PRLR: variants seen among roughly 807,000 people sequenced by gnomAD.
PRLR encodes the protein hPRL receptor.
PRLR carries 13 observed loss-of-function variants against 40.2 expected under a neutral mutation model. The ratio of observed to expected loss-of-function variants is 0.32; its 90% CI spans 0.21 to 0.51. The LOEUF is 0.51. Among genes scored for constraint, PRLR ranks in the 20% least tolerant of loss-of-function variants. PRLR has a pLI of 0.97. For missense variants in PRLR, 656 were observed against 747.3 expected (o/e 0.88, Z 1.42); for synonymous variants, 269 against 278.7 (o/e 0.97, Z 0.35).
At chr5:35,101,627 C>G (rs1037966167) in intron 2 of PRLR, among the ~76,000 whole-genome samples, 37 of 151,996 alleles carry the variant, frequency 2.4e-4, no homozygotes, top group African/African-American at 8.7e-4. Context: ...ACAATTAAAA[C>G]ATATTTTTCT....
intron 2 of PRLR, among the ~76,000 whole-genome samples, chr5:35,109,683 G>A (rs186505920): frequency 1.6e-3 from 247 of 152,248 alleles, no homozygotes; most frequent in East Asian, 5.4e-3. Flanking sequence ...TCTCACACCC[G>A]TTAGAATGGC....
chr5:35,199,272 T>C (rs927786610), intron 1 of PRLR, among the ~76,000 whole-genome samples: 1 of 152,190 alleles, frequency 6.6e-6, no homozygotes, highest in Non-Finnish European at 1.5e-5. Context: ...TTTCTCCCCC[T>C]GAGCCAGGCC....
chr5:35,078,711 G>T lies in PRLR; in HGVS notation c.373+5759C>A, dbSNP rs1770284339. On this transcript the variant is annotated intron_variant, in intron 5 of 9. Transcript: ENST00000618457. ...GAATCCTCCCTAACTCATTTCGTGA[G>T]GCCAGCATCATCCTGATACCAAAGC... is the stretch of plus-strand genomic sequence containing the variant. Among the ~76,000 whole-genome samples the T allele has an allele frequency of 2.6e-5, 4 of 152,158 alleles. No individual in the cohort carries two copies. In the South Asian group the frequency reaches 8.3e-4, roughly 31 times the overall value.
intron 1 of PRLR, among the ~76,000 whole-genome samples, chr5:35,212,816 G>C (rs923089444): frequency 2.0e-5 from 3 of 152,172 alleles, no homozygotes; most frequent in African/African-American, 7.2e-5. Flanking sequence ...TCTAAATTTT[G>C]AGGCATCATA....
Position 35,057,601 on chromosome 5 carries a change from A to G in PRLR, c.*7488T>C, listed in dbSNP as rs1768795553. ...GTTATCTCCAATACTATTGACAAAG[A>G]TTTAACTACCCATGTTGTCCCCTCA... On this transcript the variant is annotated 3_prime_UTR_variant, in exon 10 of 10. Transcript: ENST00000618457. 4 of 152,180 alleles carry G rather than the reference A, an allele frequency of 2.6e-5. No individual in the cohort carries two copies. The highest frequency in any genetic ancestry group is 2.6e-4 in the Admixed American group (4 of 15,266). The allele number at this position is 152,180 out of a possible 1,614,324, so 9.4% of individuals were successfully genotyped here.
chr5:35,109,342 G>A (rs1380616534), intron 2 of PRLR, among the ~76,000 whole-genome samples: 2 of 152,064 alleles, frequency 1.3e-5, no homozygotes, highest in Non-Finnish European at 2.9e-5. Flanking sequence ...AAAAGCAACG[G>A]CAACAAAAGC....
downstream of PRLR, among the ~76,000 whole-genome samples, chr5:35,055,166 T>G (rs1768650963): frequency 6.6e-6 from 1 of 152,180 alleles, no homozygotes; most frequent in African/African-American, 2.4e-5. Context: ...ATAATTCCAG[T>G]CAGGAAAACA....
At chr5:35,126,726 T>C (rs1442541713) in intron 1 of PRLR, among the ~76,000 whole-genome samples, 1 of 152,194 alleles carries the variant, frequency 6.6e-6, no homozygotes, top group South Asian at 2.1e-4. Context: ...TGCTACCTTT[T>C]TGGATGATTG....
chr5:35,185,692 T>A (rs749975583), intron 1 of PRLR, among the ~76,000 whole-genome samples: 6 of 152,168 alleles, frequency 3.9e-5, no homozygotes. Context: ...AAGGCAGGAA[T>A]TCTATCTATA....
chr5:35,170,619 C>A (rs1319855311), intron 1 of PRLR, among the ~76,000 whole-genome samples: 1 of 152,188 alleles, frequency 6.6e-6, no homozygotes, highest in Non-Finnish European at 1.5e-5. Context: ...CAGCTATGAT[C>A]ACACCACTGC....
At chr5:35,093,732 C>T (rs1306702936) in intron 2 of PRLR, among the ~76,000 whole-genome samples, 2 of 152,188 alleles carry the variant, frequency 1.3e-5, no homozygotes, top group African/African-American at 2.4e-5. Context: ...CAGTCATGTG[C>T]CACATAATGA....
At chr5:35,226,808 C>T (rs1776564934) in intron 1 of PRLR, among the ~76,000 whole-genome samples, 1 of 152,194 alleles carries the variant, frequency 6.6e-6, no homozygotes, top group Non-Finnish European at 1.5e-5. Context: ...TATTTGTTCA[C>T]CCGACTGTTT....
In PRLR at chr5:35,230,333, C is replaced by G. The variant is rs1235542922; in HGVS notation, c.-171G>C. 6.6e-6 allele frequency: 1 copy of G among 152,314 alleles called. No individual in the cohort carries two copies. The highest frequency in any genetic ancestry group is 2.4e-5 in the African/African-American group (1 of 41,468). 9.4% of individuals were successfully genotyped at this position (152,314 alleles called of 1,614,324 possible). ...ACTTCCTGCACGAGGACATGAAGCTCCATTGTGTGGAAAGCTGTTTCGCGA... is the reference window on the plus strand; with the variant it reads ...ACTTCCTGCACGAGGACATGAAGCTGCATTGTGTGGAAAGCTGTTTCGCGA... On this transcript the variant is annotated 5_prime_UTR_variant, in exon 1 of 10. Transcript: ENST00000618457.
intron 2 of PRLR, among the ~76,000 whole-genome samples, chr5:35,100,195 A>G (rs1771789553): frequency 6.6e-6 from 1 of 152,024 alleles, no homozygotes; most frequent in African/African-American, 2.4e-5. Flanking sequence ...AAAAAAAAAA[A>G]AAAAAAAGTC....
chr5:35,133,285 G>T (rs562451344), intron 1 of PRLR, among the ~76,000 whole-genome samples: 4 of 151,866 alleles, frequency 2.6e-5, no homozygotes, highest in Non-Finnish European at 4.4e-5. Flanking sequence ...CTCCATAATC[G>T]TGTGAGCCAA....
At chr5:35,221,140 C>A (rs1776406922) in intron 1 of PRLR, among the ~76,000 whole-genome samples, 1 of 152,182 alleles carries the variant, frequency 6.6e-6, no homozygotes, top group Non-Finnish European at 1.5e-5. Flanking sequence ...TTGGTAAAGC[C>A]TACCCAATGA....
At chr5:35,187,778 C>T (rs1000285659) in intron 1 of PRLR, among the ~76,000 whole-genome samples, 2 of 152,158 alleles carry the variant, frequency 1.3e-5, no homozygotes, top group Non-Finnish European at 2.9e-5. Flanking sequence ...GCTTCCCAGT[C>T]CAGGGTTTTC....
At chr5:35,077,661 C>G (rs1043107915) in intron 5 of PRLR, among the ~76,000 whole-genome samples, 2 of 152,158 alleles carry the variant, frequency 1.3e-5, no homozygotes, top group Admixed American at 1.3e-4. Flanking sequence ...AGAAAGTTAA[C>G]AAGGATATCC....
intron 1 of PRLR, among the ~76,000 whole-genome samples, chr5:35,156,067 C>A (rs559315659): frequency 9.4e-5 from 14 of 148,242 alleles, no homozygotes; most frequent in African/African-American, 3.5e-4. Context: ...TGTTTACTGC[C>A]ATGTTACCAA....
Sources: gnomAD v4.1 joint callset for allele counts (sites outside exome capture counted in the v4.1 genomes callset) on GRCh38, gnomAD v4.1.1 for gene constraint, MANE v1.5 for transcripts, NCBI Gene and HGNC (gene_info 2026-07-23, HGNC 2026-07-21) for gene names.